Variants in TRPM3 observed in about 807,000 individuals in gnomAD.
TRPM3 encodes long transient receptor potential channel 3.
Under a neutral mutation model 181.2 loss-of-function variants are expected in TRPM3, and 77 were observed. The observed-to-expected ratio is 0.42, with a 90% CI of 0.35 to 0.51. The LOEUF is 0.51. Ranked by LOEUF, TRPM3 falls within the 20% of genes least tolerant of loss-of-function variation. TRPM3 has a pLI of 0.01. For missense variants in TRPM3, 1,759 were observed against 2,196.7 expected (o/e 0.80, Z 3.98); for synonymous variants, 745 against 796.4 (o/e 0.94, Z 1.09).
At chr9:71,108,174 A>G (rs902460615) in intron 1 of TRPM3, among the ~76,000 whole-genome samples, 2 of 152,216 alleles carry the variant, frequency 1.3e-5, no homozygotes, top group African/African-American at 4.8e-5. Flanking sequence ...TTTATAGTAT[A>G]CCTAAAATCA....
At chr9:70,992,827 T>C (rs1045612728) in intron 1 of TRPM3, among the ~76,000 whole-genome samples, 4 of 152,190 alleles carry the variant, frequency 2.6e-5, no homozygotes, top group Non-Finnish European at 5.9e-5. Context: ...TTAAAAAATC[T>C]TGGATATTGA....
At chr9:71,426,356 G>A (rs1211653833) in intron 1 of TRPM3, among the ~76,000 whole-genome samples, 1 of 150,948 alleles carries the variant, frequency 6.6e-6, no homozygotes, top group Non-Finnish European at 1.5e-5. Context: ...ACTACCACTG[G>A]CACTTTTACA....
At chr9:70,563,021 T>G (rs1239260731) in intron 22 of TRPM3, among the ~76,000 whole-genome samples, 2 of 152,214 alleles carry the variant, frequency 1.3e-5, no homozygotes. Context: ...GATTCTGAGT[T>G]TGGCCATGTG....
chr9:71,341,935 C>G (rs1431481301), intron 1 of TRPM3, among the ~76,000 whole-genome samples: 1 of 151,646 alleles, frequency 6.6e-6, no homozygotes, highest in Non-Finnish European at 1.5e-5. Context: ...AAGAGCTAAT[C>G]TCCCTAAAGT....
At chr9:71,085,098 C>T (rs1347427683) in intron 1 of TRPM3, among the ~76,000 whole-genome samples, 1 of 151,938 alleles carries the variant, frequency 6.6e-6, no homozygotes, top group Non-Finnish European at 1.5e-5. Context: ...TGAAACTGAA[C>T]CCCTACTTTT....
chr9:71,358,604 A>G (rs1190939662), intron 1 of TRPM3, among the ~76,000 whole-genome samples: 1 of 152,196 alleles, frequency 6.6e-6, no homozygotes, highest in Non-Finnish European at 1.5e-5. Context: ...CTCTAACAAG[A>G]TATTTCAAAT....
intron 6 of TRPM3, among the ~76,000 whole-genome samples, chr9:70,814,245 G>A (rs138867897): frequency 3.3e-5 from 5 of 152,268 alleles, no homozygotes; most frequent in Admixed American, 1.3e-4. Flanking sequence ...TGAGCACACA[G>A]ACAATATTGA....
chr9:71,325,472 T>A (rs994223665), intron 1 of TRPM3, among the ~76,000 whole-genome samples: 3 of 151,908 alleles, frequency 2.0e-5, no homozygotes, highest in Non-Finnish European at 4.4e-5. Context: ...GAAAAAAAAA[T>A]TGAGGCTCAG....
At chr9:70,740,336 G>C (rs954119620) in intron 8 of TRPM3, among the ~76,000 whole-genome samples, 1 of 152,020 alleles carries the variant, frequency 6.6e-6, no homozygotes, top group Non-Finnish European at 1.5e-5. Flanking sequence ...CAAAAACATA[G>C]GAACACATCC....
chr9:71,434,375 C>T (rs1340430236), intron 1 of TRPM3, among the ~76,000 whole-genome samples: 1 of 152,112 alleles, frequency 6.6e-6, no homozygotes, highest in Non-Finnish European at 1.5e-5. Flanking sequence ...AAGACAGCCA[C>T]CTAGGAAGCA....
intron 1 of TRPM3, among the ~76,000 whole-genome samples, chr9:70,877,719 C>T (rs1218339745): frequency 2.0e-5 from 3 of 151,518 alleles, no homozygotes; most frequent in African/African-American, 7.3e-5. Context: ...GTCCTTTCTC[C>T]AATATTTAGT....
At chr9:71,040,758 G>A (rs568299422) in intron 1 of TRPM3, among the ~76,000 whole-genome samples, 1 of 152,246 alleles carries the variant, frequency 6.6e-6, no homozygotes, top group Non-Finnish European at 1.5e-5. Flanking sequence ...GACATCAGGT[G>A]TCTTCCGATA....
chr9:71,207,458 C>T (rs2079192978), intron 1 of TRPM3, among the ~76,000 whole-genome samples: 1 of 151,944 alleles, frequency 6.6e-6, no homozygotes, highest in Admixed American at 6.6e-5. Flanking sequence ...GTTCACAAAC[C>T]AAAATTAAAG....
chr9:71,252,083 G>A (rs1040034748), intron 1 of TRPM3, among the ~76,000 whole-genome samples: 1 of 152,068 alleles, frequency 6.6e-6, no homozygotes, highest in African/African-American at 2.4e-5. Flanking sequence ...ATTCATTCAT[G>A]TGTTGATGGA....
chr9:70,792,523 A>G (rs2085726069), intron 6 of TRPM3, among the ~76,000 whole-genome samples: 1 of 151,636 alleles, frequency 6.6e-6, no homozygotes, highest in South Asian at 2.1e-4. Context: ...GAGAGAGAAT[A>G]AAAGAGAATG....
chr9:70,651,119 C>T (rs568859830), intron 9 of TRPM3, among the ~76,000 whole-genome samples: 2 of 152,092 alleles, frequency 1.3e-5, no homozygotes, highest in African/African-American at 4.8e-5. Flanking sequence ...GACCAACGTT[C>T]GGGTTATATA....
At chr9:71,374,076 A>G (rs2092602976) in intron 1 of TRPM3, among the ~76,000 whole-genome samples, 1 of 152,204 alleles carries the variant, frequency 6.6e-6, no homozygotes, top group Non-Finnish European at 1.5e-5. Flanking sequence ...ACATCCCTTC[A>G]TGTTAAAAAC....
intron 19 of TRPM3, among the ~76,000 whole-genome samples, chr9:70,609,004 G>C (rs2061623680): frequency 6.6e-6 from 1 of 152,124 alleles, no homozygotes; most frequent in Non-Finnish European, 1.5e-5. Context: ...ATCTATTGCT[G>C]GGCAACGTGA....
At chr9:71,192,220 G>T (rs944720077) in intron 1 of TRPM3, among the ~76,000 whole-genome samples, 2 of 151,776 alleles carry the variant, frequency 1.3e-5, no homozygotes, top group African/African-American at 2.4e-5. Flanking sequence ...GAAGAGGGGA[G>T]ATTTGGGAAT....
Sources: allele counts gnomAD v4.1 joint callset (sites outside exome capture counted in the v4.1 genomes callset), GRCh38; gene constraint gnomAD v4.1.1; transcripts MANE v1.5; gene names NCBI Gene and HGNC (gene_info 2026-07-23, HGNC 2026-07-21).